The following TCERG1L variants were observed in gnomAD, a reference collection of about 807,000 sequenced individuals.
TCERG1L encodes transcription elongation regulator 1-like protein.
Under a neutral mutation model 56.3 loss-of-function variants are expected in TCERG1L, and 37 were observed. That is an observed-to-expected ratio of 0.66 (90% CI 0.51 to 0.87). The LOEUF is 0.87. TCERG1L is among the 40% of genes least tolerant of loss of function. The pLI is 0.00. For missense variants in TCERG1L, 799 were observed against 774.2 expected (o/e 1.03, Z -0.38); for synonymous variants, 324 against 326.3 (o/e 0.99, Z 0.08).
intron 3 of TCERG1L, among the ~76,000 whole-genome samples, chr10:131,269,268 C>T (rs1180336052): frequency 6.6e-6 from 1 of 152,178 alleles, no homozygotes; most frequent in African/African-American, 2.4e-5. Context: ...CTCACTGCAA[C>T]CTCCGCCTCC....
intron 8 of TCERG1L, among the ~76,000 whole-genome samples, chr10:131,127,630 A>C (rs1027399561): frequency 6.6e-6 from 1 of 152,196 alleles, no homozygotes; most frequent in Admixed American, 6.5e-5. Flanking sequence ...GCAGGTTCAG[A>C]TAGAGTGCAA....
chr10:131,260,559 A>C lies in TCERG1L; in HGVS notation c.671-115T>G. On this transcript the variant is annotated intron_variant, in intron 3 of 11. Coordinates refer to ENST00000368642, the MANE Select transcript of TCERG1L (RefSeq NM_174937.4). This position sits in a 1 kb window ranked among gnomAD's most constrained non-coding sequence, Gnocchi z 5.8. ...CCAGAAAACAGGTGAGGGGGGCGCT[A>C]CCCCTCTTTAATGGAGGCCCACAGT... The C allele has an allele frequency of 1.6e-6, 2 of 1,216,890 alleles. No homozygotes were observed. Among genetic ancestry groups the C allele is most frequent in the Non-Finnish European group, 2.1e-6 (2 of 955,974 alleles). The allele number at this position is 1,216,890 out of a possible 1,614,324, so 75.4% of individuals were successfully genotyped here. A position where few individuals can be genotyped will look rare whatever the true frequency, so the allele number is the denominator to read the frequency against.
At chr10:131,126,661 C>T (rs1460388418) in intron 8 of TCERG1L, among the ~76,000 whole-genome samples, 1 of 152,182 alleles carries the variant, frequency 6.6e-6, no homozygotes, top group African/African-American at 2.4e-5. Flanking sequence ...AATTAGGAGG[C>T]CCTTGAGCAC....
intron 10 of TCERG1L, among the ~76,000 whole-genome samples, 154 bp from the exon 11 acceptor site, chr10:131,098,578 A>G (rs1191904016): frequency 1.3e-5 from 2 of 152,260 alleles, no homozygotes; most frequent in African/African-American, 2.4e-5. Flanking sequence ...GCCTTTCAGC[A>G]TAGCTCTCAA....
chr10:131,145,234 T>C (rs1845783131), intron 7 of TCERG1L, among the ~76,000 whole-genome samples: 2 of 152,232 alleles, frequency 1.3e-5, no homozygotes, highest in South Asian at 4.1e-4. Flanking sequence ...CTGTGCACCA[T>C]CTTCTTGTCC....
intron 6 of TCERG1L, chr10:131,161,058 G>A (rs900043033): frequency 6.6e-6 from 1 of 152,214 alleles, no homozygotes; most frequent in African/African-American, 2.4e-5. Context: ...CAACCAGTTC[G>A]TGGCATCGTA....
intron 9 of TCERG1L, among the ~76,000 whole-genome samples, chr10:131,104,611 T>C (rs1845334195): frequency 6.6e-6 from 1 of 152,168 alleles, no homozygotes; most frequent in Non-Finnish European, 1.5e-5. Context: ...TGTCCCCCGA[T>C]CTGAAACCCC....
At chr10:131,242,787 C>T (rs1239205581) in intron 4 of TCERG1L, among the ~76,000 whole-genome samples, 1 of 152,150 alleles carries the variant, frequency 6.6e-6, no homozygotes, top group African/African-American at 2.4e-5. Flanking sequence ...GGATGCTGCA[C>T]CTGTGTCTGT....
chr10:131,310,239 C>A (rs991159101), intron 1 of TCERG1L, among the ~76,000 whole-genome samples: 1 of 152,156 alleles, frequency 6.6e-6, no homozygotes, highest in Non-Finnish European at 1.5e-5. Flanking sequence ...TTATATACCT[C>A]TAGTGGCAGC....
intron 4 of TCERG1L, among the ~76,000 whole-genome samples, chr10:131,213,558 C>G (rs559698201): frequency 6.6e-6 from 1 of 152,194 alleles, no homozygotes; most frequent in Non-Finnish European, 1.5e-5. Context: ...CTGTCTGGCC[C>G]GGCTGCGCCT....
intron 4 of TCERG1L, among the ~76,000 whole-genome samples, chr10:131,221,931 C>T (rs12246109): frequency 0.017 from 2,647 of 152,266 alleles, 76 homozygotes; most frequent in African/African-American, 0.059. Flanking sequence ...AGGTGATGGA[C>T]GAGGCAGACT....
At chr10:131,121,770 G>A (rs1037760176) in intron 8 of TCERG1L, among the ~76,000 whole-genome samples, 12 of 146,166 alleles carry the variant, frequency 8.2e-5, no homozygotes, top group Non-Finnish European at 1.4e-4. Flanking sequence ...GTGCCAGGTC[G>A]CCCAGCTGCA....
chr10:131,295,003 C>T (rs1356530900), intron 3 of TCERG1L, among the ~76,000 whole-genome samples: 1 of 152,094 alleles, frequency 6.6e-6, no homozygotes, highest in East Asian at 1.9e-4. Flanking sequence ...CCCACCCCCA[C>T]CTCCTGGAAA....
rs58892586 is a variant in TCERG1L at position 131,309,834 on chromosome 10, C to CAAAAAAAAAAAAAAAAAAAAA, written c.343-556_343-536dup. On this transcript the variant is annotated intron_variant, in intron 1 of 11. Transcript: ENST00000368642. ...TCACCAATACAAATAGATTCTATGG[C>CAAAAAAAAAAAAAAAAAAAAA]AAAAAAAAAAAAAAAAAAAAAAAAA... 1.8e-4 allele frequency among the ~76,000 whole-genome samples: 9 copies of CAAAAAAAAAAAAAAAAAAAAA among 49,848 alleles called. 1 individual carries two copies. Among genetic ancestry groups the CAAAAAAAAAAAAAAAAAAAAA allele is most frequent in the Admixed American group, 2.7e-4 (1 of 3,684 alleles). 32.7% of individuals were successfully genotyped at this position (49,848 alleles called of 152,430 possible).
intron 4 of TCERG1L, among the ~76,000 whole-genome samples, chr10:131,259,531 T>G (rs1388462925): frequency 6.6e-6 from 1 of 152,136 alleles, no homozygotes; most frequent in Non-Finnish European, 1.5e-5. Context: ...AGGTTACAGT[T>G]AGTGGATGGA....
At chr10:131,185,983 A>T (rs771922077) in intron 4 of TCERG1L, among the ~76,000 whole-genome samples, 5 of 152,242 alleles carry the variant, frequency 3.3e-5, no homozygotes, top group Non-Finnish European at 7.3e-5. Context: ...ATGGGTGAAT[A>T]AGCACCAAGT....
At position 131,304,433 on chromosome 10, in the gene TCERG1L, G is replaced by T. The variant is rs1289457253; in HGVS notation, c.670+3778C>A. Among the ~76,000 whole-genome samples, 4 of 152,044 alleles carry T rather than the reference G, an allele frequency of 2.6e-5. No homozygotes were observed. The East Asian group carries it at 7.7e-4, about 29-fold the overall frequency. On this transcript the variant is annotated intron_variant, in intron 3 of 11. Transcript: ENST00000368642. ...CCACATGTCCTAAGATGCAAGGTGA[G>T]CCCCTTCTTCCTGGGAAGAAGAGGG...
chr10:131,133,929 T>C (rs773446727), intron 8 of TCERG1L, among the ~76,000 whole-genome samples: 9 of 152,214 alleles, frequency 5.9e-5, no homozygotes, highest in Non-Finnish European at 1.2e-4. Flanking sequence ...AAGCCTCATC[T>C]TATACATGAG....
intron 4 of TCERG1L, among the ~76,000 whole-genome samples, chr10:131,219,784 C>T (rs532824543): frequency 6.6e-6 from 1 of 152,304 alleles, no homozygotes; most frequent in East Asian, 1.9e-4. Context: ...GCAATTTAAA[C>T]CAGAGCTGTT....
Sources: gnomAD v4.1 joint callset for allele counts (sites outside exome capture counted in the v4.1 genomes callset) on GRCh38, gnomAD v4.1.1 for gene constraint, Gnocchi (gnomAD v3.1) non-coding constraint, MANE v1.5 for transcripts, NCBI Gene and HGNC (gene_info 2026-07-23, HGNC 2026-07-21) for gene names.